DLGAP1: variants seen among roughly 807,000 people sequenced by gnomAD.
DLGAP1 encodes the protein disks large-associated protein 1.
In DLGAP1, 11 loss-of-function variants were observed where a neutral mutation model predicts 90.8. The observed-to-expected ratio is 0.12, with a 90% CI of 0.08 to 0.20. The LOEUF (loss-of-function observed/expected upper bound fraction) is 0.20, where lower values mean the gene tolerates loss of function less well. Ranked by LOEUF, DLGAP1 falls within the 10% of genes least tolerant of loss-of-function variation. The probability of loss-of-function intolerance (pLI) is 1.00; values close to 1 mark genes in which losing one functional copy is unlikely to be tolerated. For missense variants in DLGAP1, 1,050 were observed against 1,333.8 expected (o/e 0.79, Z 3.31); for synonymous variants, 558 against 540.7 (o/e 1.03, Z -0.44).
At chr18:3,547,263 C>A (rs150054168) in intron 9 of DLGAP1, among the ~76,000 whole-genome samples, 2,173 of 139,668 alleles carry the variant, frequency 0.016, 63 homozygotes, top group African/African-American at 0.057. Context: ...GATCGCGCCA[C>A]TGCACTCCAG....
intron 6 of DLGAP1, 22 bp downstream of exon 6, chr18:3,742,313 C>A (rs752937626): frequency 1.2e-6 from 2 of 1,609,624 alleles, no homozygotes; most frequent in Non-Finnish European, 1.7e-6. Context: ...CTCCTGACCA[C>A]CGCTGCCCTG....
intron 1 of DLGAP1, among the ~76,000 whole-genome samples, chr18:4,387,669 A>C (rs1448097899): frequency 6.6e-6 from 1 of 152,176 alleles, no homozygotes; most frequent in East Asian, 1.9e-4. Flanking sequence ...TGAGGAAGTT[A>C]AGTAAAGAAA....
intron 1 of DLGAP1, among the ~76,000 whole-genome samples, chr18:4,364,279 A>G (rs1235597442): frequency 8.6e-6 from 1 of 116,872 alleles, no homozygotes; most frequent in Non-Finnish European, 1.8e-5. Context: ...GGGGGGAGGG[A>G]TAGCATTAGG....
intron 1 of DLGAP1, among the ~76,000 whole-genome samples, chr18:4,241,715 T>A (rs959315754): frequency 1.3e-5 from 2 of 152,242 alleles, no homozygotes; most frequent in African/African-American, 4.8e-5. Context: ...GTATTTCTTT[T>A]ACTTTTCTAA....
intron 1 of DLGAP1, among the ~76,000 whole-genome samples, chr18:4,322,763 C>T (rs969077022): frequency 2.0e-5 from 3 of 151,970 alleles, no homozygotes; most frequent in African/African-American, 7.2e-5. Context: ...AAATCGAGAC[C>T]ATCCTGGCTA....
At chr18:3,903,886 T>C (rs2071838925) in intron 3 of DLGAP1, among the ~76,000 whole-genome samples, 1 of 152,220 alleles carries the variant, frequency 6.6e-6, no homozygotes, top group Non-Finnish European at 1.5e-5. Context: ...TTAGTAACAT[T>C]AGTGTTTCTA....
intron 1 of DLGAP1, among the ~76,000 whole-genome samples, chr18:4,305,884 T>G (rs2080240084): frequency 6.8e-6 from 1 of 148,084 alleles, no homozygotes; most frequent in African/African-American, 2.4e-5. Context: ...GGGAAAACAG[T>G]ACAACAAAAT....
At chr18:4,156,134 G>C (rs185721419) in intron 1 of DLGAP1, among the ~76,000 whole-genome samples, 66 of 152,340 alleles carry the variant, frequency 4.3e-4, no homozygotes, top group Admixed American at 1.5e-3. Flanking sequence ...AGATGAGAAA[G>C]GCTGAGTCTA....
rs1280322740 is a variant in DLGAP1 at position 4,378,907 on chromosome 18, T to C, written c.-267+76099A>G. 3.3e-5 allele frequency among the ~76,000 whole-genome samples: 5 copies of C among 152,088 alleles called. No individual in the cohort carries two copies. Among genetic ancestry groups the C allele is most frequent in the Admixed American group, 2.0e-4 (3 of 15,238 alleles). On this transcript the variant is annotated intron_variant, in intron 1 of 12. Transcript: ENST00000315677. The surrounding 1 kb of genome is among the most constrained non-coding windows in gnomAD (Gnocchi z 4.5). The stretch of plus-strand genomic sequence containing the variant: ...TAACATCCTCTCTCCTGGGAGCTCT[T>C]TGACAACTACACACCCACCACTCCC...
At chr18:4,027,503 CAAAAAAAAAAAAAAAA>C (rs59592467) in intron 2 of DLGAP1, among the ~76,000 whole-genome samples, 7 of 55,580 alleles carry the variant, frequency 1.3e-4, no homozygotes, top group Admixed American at 6.2e-4. Context: ...GACTCCGTCT[CAAAAAAAAAAAAAAAA>C]AAAAAAAAAA....
At position 3,551,698 on chromosome 18, in the gene DLGAP1, CCCT is replaced by C. The variant is rs1177154859; in HGVS notation, c.2057+15789_2057+15791del. 1.9e-4 allele frequency among the ~76,000 whole-genome samples: 3 copies of C among 15,840 alleles called. 1 individual carries two copies. Among genetic ancestry groups the C allele is most frequent in the African/African-American group, 6.5e-4 (2 of 3,060 alleles). 10.4% of individuals were successfully genotyped at this position (15,840 alleles called of 152,430 possible). ...TTTTCCCTCCCCTCCCTCCCTCCCT[CCCT>C]CCCTCCCTCCCTCCCTCCCTCCCTT... On this transcript the variant is annotated intron_variant, in intron 9 of 12. Transcript: ENST00000315677.
chr18:4,049,245 A>T (rs1335155902), intron 2 of DLGAP1, among the ~76,000 whole-genome samples: 1 of 129,838 alleles, frequency 7.7e-6, no homozygotes, highest in African/African-American at 2.9e-5. Context: ...AAAAAAAAAA[A>T]TTATATGCCT....
chr18:4,066,130 C>CCAGGTGATG (rs2075367118), intron 2 of DLGAP1, among the ~76,000 whole-genome samples: 1 of 152,096 alleles, frequency 6.6e-6, no homozygotes, highest in Non-Finnish European at 1.5e-5. Context: ...AAAACTGAAC[C>CCAGGTGATG]TCTTCCTTAC....
Position 3,879,071 on chromosome 18 carries a change from AG to A in DLGAP1, c.957+40del. The A allele has an allele frequency of 7.0e-7, 1 of 1,428,458 alleles. No homozygotes were observed. The highest frequency in any genetic ancestry group is 9.3e-7 in the Non-Finnish European group (1 of 1,079,690). The allele number at this position is 1,428,458 out of a possible 1,614,324, so 88.5% of individuals were successfully genotyped here. A position where few individuals can be genotyped will look rare whatever the true frequency, so the allele number is the denominator to read the frequency against. Reference sequence around the variant, plus strand: ...GGAGAAATGCCCACACAAGCATGCCAGGTACTACTTCTAAGCCTCCATCATT... The same window carrying A: ...GGAGAAATGCCCACACAAGCATGCCAGTACTACTTCTAAGCCTCCATCATT... On this transcript the variant is annotated intron_variant, in intron 4 of 12. Coordinates refer to ENST00000315677, the MANE Select transcript of DLGAP1 (RefSeq NM_004746.4). The surrounding 1 kb of genome is among the most constrained non-coding windows in gnomAD (Gnocchi z 6.6).
intron 5 of DLGAP1, among the ~76,000 whole-genome samples, chr18:3,780,106 C>T (rs367872104): frequency 1.3e-5 from 2 of 151,976 alleles, no homozygotes; most frequent in East Asian, 3.9e-4. Flanking sequence ...TTTCATAGAC[C>T]ACCCCACAGG....
intron 6 of DLGAP1, among the ~76,000 whole-genome samples, chr18:3,741,057 A>ACCACC (rs2062925580): frequency 1.9e-5 from 2 of 106,044 alleles, no homozygotes; most frequent in African/African-American, 8.2e-5. Context: ...CACCACCACC[A>ACCACC]TCACCACCAC....
chr18:3,780,408 C>G (rs2065136494), intron 5 of DLGAP1, among the ~76,000 whole-genome samples: 1 of 152,152 alleles, frequency 6.6e-6, no homozygotes, highest in Non-Finnish European at 1.5e-5. Flanking sequence ...TCTGCAGGTT[C>G]TAGGGGAGAA....
intron 9 of DLGAP1, among the ~76,000 whole-genome samples, chr18:3,561,283 A>C (rs2054090019): frequency 1.4e-5 from 2 of 147,096 alleles, no homozygotes; most frequent in Non-Finnish European, 3.0e-5. Flanking sequence ...AAAAAAACAA[A>C]CAAAAAATAG....
chr18:3,568,280 G>A (rs2054550499), intron 8 of DLGAP1, among the ~76,000 whole-genome samples: 1 of 152,124 alleles, frequency 6.6e-6, no homozygotes, highest in Non-Finnish European at 1.5e-5. Context: ...TTGACATTGG[G>A]AGATTTAGAT....
Sources: allele counts gnomAD v4.1 joint callset (sites outside exome capture counted in the v4.1 genomes callset), GRCh38; gene constraint gnomAD v4.1.1; non-coding constraint Gnocchi (gnomAD v3.1); transcripts MANE v1.5; gene names NCBI Gene and HGNC (gene_info 2026-07-23, HGNC 2026-07-21).